Variants in SP3 observed in about 807,000 individuals in gnomAD.
SP3 encodes transcription factor Sp3.
A neutral mutation model predicts 70.3 loss-of-function variants in SP3; 10 were observed. The ratio of observed to expected loss-of-function variants is 0.14; its 90% CI spans 0.09 to 0.24. The LOEUF is 0.24. Ranked by LOEUF, SP3 falls within the 10% of genes least tolerant of loss-of-function variation. The pLI is 1.00. For missense variants in SP3, 825 were observed against 914.6 expected (o/e 0.90, Z 1.26); for synonymous variants, 402 against 333.5 (o/e 1.21, Z -2.24).
intron 4 of SP3, among the ~76,000 whole-genome samples, chr2:173,924,090 A>T (rs1689841031): frequency 6.6e-6 from 1 of 152,092 alleles, no homozygotes; most frequent in African/African-American, 2.4e-5. Flanking sequence ...ATATAATAAT[A>T]ATTTTAAAAA....
intron 4 of SP3, among the ~76,000 whole-genome samples, chr2:173,948,755 AAAAT>A (rs1288270382): frequency 5.4e-5 from 8 of 148,992 alleles, no homozygotes; most frequent in Admixed American, 2.0e-4. Flanking sequence ...TTAAGTACAG[AAAAT>A]AAATAATTAT....
intron 4 of SP3, among the ~76,000 whole-genome samples, chr2:173,947,348 A>G (rs373550883): frequency 6.6e-6 from 1 of 152,068 alleles, no homozygotes; most frequent in African/African-American, 2.4e-5. Context: ...GTAAATTCCT[A>G]AGCATATTAC....
At position 173,955,249 on chromosome 2, in the gene SP3, G is replaced by A. The variant is rs1187709241; in HGVS notation, c.1263C>T (p.Ile421=). The change falls in exon 4 of 7, where the codon ATC becomes ATT. Residue 421 remains isoleucine, a synonymous_variant. Coordinates refer to ENST00000310015, the MANE Select transcript of SP3 (RefSeq NM_003111.5). The part of the protein sequence containing the change: ...QIVQGITPQT[I]HGVQASGQNI... ...TTTGACCACTGGCTTGCACACCATG[G>A]ATTGTCTGTGGTGTAATACCTTGCA... is the stretch of plus-strand genomic sequence containing the variant. 1.2e-6 allele frequency: 2 copies of A among 1,614,156 alleles called. No individual in the cohort carries two copies. The highest frequency in any genetic ancestry group is 3.3e-5 in the Admixed American group (2 of 60,002).
intron 4 of SP3, among the ~76,000 whole-genome samples, chr2:173,941,127 TAAA>T (rs71021605): frequency 2.9e-4 from 27 of 92,974 alleles, no homozygotes; most frequent in African/African-American, 4.0e-4. Context: ...ACAACACGAG[TAAA>T]AAAAAAAAAA....
In SP3 at chr2:173,901,695, C is replaced by CTTTTTTTTTT. The variant is rs34329180; in HGVS notation, c.*8236_*8245dup. Among the ~76,000 whole-genome samples, 1 of 74,958 alleles carries CTTTTTTTTTT rather than the reference C, an allele frequency of 1.3e-5. No homozygotes were observed. Among genetic ancestry groups the CTTTTTTTTTT allele is most frequent in the Non-Finnish European group, 2.4e-5 (1 of 41,262 alleles). 49.2% of individuals were successfully genotyped at this position (74,958 alleles called of 152,430 possible). On this transcript the variant is annotated 3_prime_UTR_variant, in exon 7 of 7. Transcript: ENST00000310015. ...GGGAAACAGTTAGTTGGACTTAAGC[C>CTTTTTTTTTT]TTTTTTTTTTTTTTTTTTTTTTTTG...
intron 4 of SP3, among the ~76,000 whole-genome samples, chr2:173,937,015 T>C (rs1690227619): frequency 6.6e-6 from 1 of 152,188 alleles, no homozygotes; most frequent in Non-Finnish European, 1.5e-5. Context: ...CTGATTTATA[T>C]TGTTGATTAC....
intron 4 of SP3, among the ~76,000 whole-genome samples, chr2:173,948,564 A>G (rs1004816115): frequency 2.6e-5 from 4 of 152,174 alleles, no homozygotes; most frequent in Non-Finnish European, 4.4e-5. Context: ...CCTAAAACTA[A>G]AAATTAAGCA....
intron 1 of SP3, 45 bp downstream of exon 1, chr2:173,965,120 G>A (rs1012706765): frequency 1.4e-5 from 21 of 1,510,372 alleles, no homozygotes; most frequent in African/African-American, 7.0e-5. Context: ...CGGCGGCAGC[G>A]GCGGCGGCGG....
chr2:173,937,871 T>C (rs1690250091), intron 4 of SP3, among the ~76,000 whole-genome samples: 1 of 152,172 alleles, frequency 6.6e-6, no homozygotes, highest in South Asian at 2.1e-4. Flanking sequence ...CATCTGCAAA[T>C]ATTTCATTAT....
At chr2:173,957,251 G>A (rs758981176) in intron 3 of SP3, among the ~76,000 whole-genome samples, 5 of 152,020 alleles carry the variant, frequency 3.3e-5, no homozygotes, top group East Asian at 1.9e-4. Context: ...AAATACACAC[G>A]TGAGTAAACC....
intron 4 of SP3, among the ~76,000 whole-genome samples, chr2:173,929,575 T>C (rs1031869777): frequency 1.3e-4 from 20 of 152,220 alleles, no homozygotes; most frequent in African/African-American, 4.6e-4. Context: ...CAGTAGTTCA[T>C]AGCAATTCAT....
chr2:173,930,830 T>C (rs1690046813), intron 4 of SP3, among the ~76,000 whole-genome samples: 1 of 152,206 alleles, frequency 6.6e-6, no homozygotes, highest in African/African-American at 2.4e-5. Context: ...ATAGGTGCTG[T>C]CTAATAGAAA....
chr2:173,961,087 T>C (rs1429395448), intron 3 of SP3, among the ~76,000 whole-genome samples: 1 of 152,240 alleles, frequency 6.6e-6, no homozygotes, highest in Non-Finnish European at 1.5e-5. Flanking sequence ...AAGTTAATAC[T>C]TGCACAAAGG....
rs1689370312 is a variant in SP3 at position 173,907,697 on chromosome 2, A to C, written c.*2244T>G. 6.6e-6 allele frequency: 1 copy of C among 152,140 alleles called. No individual in the cohort carries two copies. The highest frequency in any genetic ancestry group is 2.4e-5 in the African/African-American group (1 of 41,460). 9.4% of individuals were successfully genotyped at this position (152,140 alleles called of 1,614,324 possible). On this transcript the variant is annotated 3_prime_UTR_variant, in exon 7 of 7. Transcript: ENST00000310015. ...TCTGACTTAATGGGCAGTTTGCTCA[A>C]GTGAACCACCTGCTGCTCACTTAAT... is the stretch of plus-strand genomic sequence containing the variant.
Position 173,964,543 on chromosome 2 carries a change from C to T in SP3, c.18G>A (p.Lys6=). 4 of 468,652 alleles carry T rather than the reference C, an allele frequency of 8.5e-6. No individual in the cohort carries two copies. Among genetic ancestry groups the T allele is most frequent in the South Asian group, 1.6e-5 (1 of 62,650 alleles). 29.0% of individuals were successfully genotyped at this position (468,652 alleles called of 1,614,324 possible). ...CAGCCATTTCCTCTTGTTTCACGGG[C>T]TTTTCGGGAGCTGCAGGCACAGCGC... MTAPE[K]PVKQEEMAAL... is the part of the protein sequence containing the mutation. Residue 6 remains lysine (K), a synonymous_variant, in exon 2 of 7, where the codon AAG becomes AAA. Transcript: ENST00000310015.
chr2:173,930,762 T>C (rs1311516109), intron 4 of SP3, among the ~76,000 whole-genome samples: 2 of 152,230 alleles, frequency 1.3e-5, no homozygotes, highest in Non-Finnish European at 2.9e-5. Flanking sequence ...AAGTTTTTTG[T>C]TAGAGCATAC....
rs915393913 is a variant in SP3 at position 173,908,165 on chromosome 2, T to A, written c.*1776A>T. ...GCCATGGTTACCAACGCTTGTCTTA[T>A]CATTTTCAGGAGTCTTAATGTAAAT... On this transcript the variant is annotated 3_prime_UTR_variant, in exon 7 of 7. Coordinates refer to ENST00000310015, the MANE Select transcript of SP3 (RefSeq NM_003111.5). 1 of 152,150 alleles carries A rather than the reference T, an allele frequency of 6.6e-6. No individual in the cohort carries two copies. Among genetic ancestry groups the A allele is most frequent in the African/African-American group, 2.4e-5 (1 of 41,464 alleles). The allele number at this position is 152,150 out of a possible 1,614,324, so 9.4% of individuals were successfully genotyped here. A position where few individuals can be genotyped will look rare whatever the true frequency, so the allele number is the denominator to read the frequency against.
chr2:173,908,610 AT>A lies in SP3; in HGVS notation c.*1330del, dbSNP rs1689390761. The A allele has an allele frequency of 2.0e-5, 3 of 152,486 alleles. No individual in the cohort carries two copies. The highest frequency in any genetic ancestry group is 7.2e-5 in the African/African-American group (3 of 41,444). 9.4% of individuals were successfully genotyped at this position (152,486 alleles called of 1,614,324 possible). A position where few individuals can be genotyped will look rare whatever the true frequency, so the allele number is the denominator to read the frequency against. ...AAACGTACAATAAGGTAGCCTTTAA[AT>A]TTGAGGTGGTCTTAAGAATAACAAA... On this transcript the variant is annotated 3_prime_UTR_variant, in exon 7 of 7. Coordinates refer to ENST00000310015, the MANE Select transcript of SP3 (RefSeq NM_003111.5).
intron 2 of SP3, 110 bp from the exon 3 acceptor site, chr2:173,963,993 G>C (rs1435117035): frequency 4.5e-6 from 3 of 666,242 alleles, no homozygotes; most frequent in Non-Finnish European, 6.8e-6. Flanking sequence ...GACTGCGCCC[G>C]GGCAAGCGCC....
Sources: gnomAD v4.1 joint callset for allele counts (sites outside exome capture counted in the v4.1 genomes callset) on GRCh38, gnomAD v4.1.1 for gene constraint, MANE v1.5 for transcripts, NCBI Gene and HGNC (gene_info 2026-07-23, HGNC 2026-07-21) for gene names.